SPOCK1: variants seen among roughly 807,000 people sequenced by gnomAD.
The protein encoded by SPOCK1 is SPARC (osteonectin), cwcv and kazal like domains proteoglycan 1.
A neutral mutation model predicts 55.3 loss-of-function variants in SPOCK1; 23 were observed. That is an observed-to-expected ratio of 0.42 (90% confidence interval 0.30 to 0.59). SPOCK1 has a LOEUF of 0.59. Ranked by LOEUF, SPOCK1 falls within the 20% of genes least tolerant of loss-of-function variation. The probability of loss-of-function intolerance (pLI) is 0.22; values close to 1 mark genes in which losing one functional copy is unlikely to be tolerated. For missense variants in SPOCK1, 499 were observed against 552.5 expected (o/e 0.90, Z 0.97); for synonymous variants, 226 against 221.0 (o/e 1.02, Z -0.20).
intron 2 of SPOCK1, among the ~76,000 whole-genome samples, chr5:137,447,605 TCCCC>T (rs33974799): frequency 6.6e-6 from 1 of 151,620 alleles, no homozygotes; most frequent in Non-Finnish European, 1.5e-5. Context: ...TTGAAATCAT[TCCCC>T]CCCCCAATAT....
At chr5:137,160,022 G>A (rs559216802) in intron 3 of SPOCK1, among the ~76,000 whole-genome samples, 2 of 152,102 alleles carry the variant, frequency 1.3e-5, no homozygotes, top group South Asian at 2.1e-4. Context: ...ACATGAGTAA[G>A]TTCTTTAGTG....
intron 3 of SPOCK1, among the ~76,000 whole-genome samples, chr5:137,262,805 G>A (rs1241049928): frequency 2.0e-5 from 3 of 152,182 alleles, no homozygotes; most frequent in African/African-American, 7.2e-5. Context: ...AAAAGGAGAA[G>A]GGAATAAAAC....
intron 2 of SPOCK1, among the ~76,000 whole-genome samples, chr5:137,445,439 C>T (rs891671649): frequency 1.3e-5 from 2 of 152,156 alleles, no homozygotes; most frequent in African/African-American, 4.8e-5. Flanking sequence ...TTAAAACTCC[C>T]TTCCATGTGC....
chr5:137,328,215 C>T (rs977375332), intron 2 of SPOCK1, among the ~76,000 whole-genome samples: 4 of 152,234 alleles, frequency 2.6e-5, no homozygotes, highest in African/African-American at 9.6e-5. Flanking sequence ...AGATAGATGG[C>T]AAACTTACTG....
intron 6 of SPOCK1, among the ~76,000 whole-genome samples, chr5:137,041,392 GA>G (rs1049027296): frequency 6.6e-6 from 1 of 151,928 alleles, no homozygotes; most frequent in East Asian, 1.9e-4. Flanking sequence ...AAAACATGGG[GA>G]AAAAAATCTA....
chr5:137,322,984 G>C (rs960595147), intron 2 of SPOCK1, among the ~76,000 whole-genome samples: 3 of 152,060 alleles, frequency 2.0e-5, no homozygotes, highest in Non-Finnish European at 4.4e-5. Context: ...GAGAGTAAAA[G>C]GAAGATGAAC....
intron 2 of SPOCK1, among the ~76,000 whole-genome samples, chr5:137,417,327 C>A (rs916292502): frequency 2.9e-5 from 4 of 139,530 alleles, no homozygotes; most frequent in Non-Finnish European, 6.2e-5. Flanking sequence ...GTGTATAACC[C>A]ATTTCTTTTT....
At chr5:137,297,241 T>C (rs1757506890) in intron 2 of SPOCK1, among the ~76,000 whole-genome samples, 1 of 152,210 alleles carries the variant, frequency 6.6e-6, no homozygotes, top group Admixed American at 6.5e-5. Context: ...CTTATCTCCC[T>C]TTAATTAAGA....
At chr5:137,185,004 G>A (rs997547526) in intron 3 of SPOCK1, among the ~76,000 whole-genome samples, 11 of 152,150 alleles carry the variant, frequency 7.2e-5, no homozygotes, top group Non-Finnish European at 1.5e-4. Flanking sequence ...ACTTAACTAC[G>A]CTTGAGACTA....
chr5:137,244,394 A>G (rs1756355609), intron 3 of SPOCK1, among the ~76,000 whole-genome samples: 1 of 150,248 alleles, frequency 6.7e-6, no homozygotes, highest in South Asian at 2.1e-4. Context: ...TTCAAAATGA[A>G]GATATTTAGG....
intron 6 of SPOCK1, among the ~76,000 whole-genome samples, chr5:137,029,799 A>G (rs1751742653): frequency 6.6e-6 from 1 of 152,234 alleles, no homozygotes; most frequent in Non-Finnish European, 1.5e-5. Flanking sequence ...GTTCATGACC[A>G]GCCTGGGTAA....
chr5:137,409,524 C>T (rs938696379), intron 2 of SPOCK1, among the ~76,000 whole-genome samples: 2 of 152,194 alleles, frequency 1.3e-5, no homozygotes, highest in Non-Finnish European at 2.9e-5. Context: ...CTGTGTGTCA[C>T]TTTCTGTAAA....
At chr5:137,494,479 A>G (rs539820485) in intron 2 of SPOCK1, among the ~76,000 whole-genome samples, 1 of 152,344 alleles carries the variant, frequency 6.6e-6, no homozygotes, top group African/African-American at 2.4e-5. Context: ...AGGGTTAAGT[A>G]CTTCTCTCAT....
intron 3 of SPOCK1, among the ~76,000 whole-genome samples, chr5:137,158,253 T>G (rs6872981): frequency 0.021 from 3,217 of 152,288 alleles, 111 homozygotes; most frequent in African/African-American, 0.074. Flanking sequence ...GAGGGGACAC[T>G]GGCAATGATT....
intron 2 of SPOCK1, among the ~76,000 whole-genome samples, chr5:137,349,057 T>A (rs1750622659): frequency 6.6e-6 from 1 of 152,138 alleles, no homozygotes; most frequent in Admixed American, 6.5e-5. Context: ...AAGAGAACTT[T>A]TAGGTAACTC....
At position 137,420,185 on chromosome 5, in the gene SPOCK1, G is replaced by A. The variant is rs150752375; in HGVS notation, c.186+78188C>T. ...TGGATAAGCTTTTTGATGTGCTGCTGCATTCGGTTTGCCAGTATTTTATTG... is the reference window on the plus strand; with the variant it reads ...TGGATAAGCTTTTTGATGTGCTGCTACATTCGGTTTGCCAGTATTTTATTG... On this transcript the variant is annotated intron_variant, in intron 2 of 10. Transcript: ENST00000394945. 3.6e-3 allele frequency among the ~76,000 whole-genome samples: 550 copies of A among 152,302 alleles called. 5 individuals are homozygous for A. Among genetic ancestry groups the A allele is most frequent in the African/African-American group, 0.012 (515 of 41,552 alleles).
chr5:137,077,350 G>C (rs1752789486), intron 5 of SPOCK1, among the ~76,000 whole-genome samples: 1 of 152,240 alleles, frequency 6.6e-6, no homozygotes, highest in Non-Finnish European at 1.5e-5. Flanking sequence ...TAGGAGGACA[G>C]AGAGGAGACA....
rs535945505 is a variant in SPOCK1, at chr5:137,103,591, AGCCTTGGGCTGC to A, written c.474+8832_474+8843del. Among the ~76,000 whole-genome samples the A allele has an allele frequency of 9.9e-4, 151 of 152,382 alleles. 2 individuals carry two copies. In the Middle Eastern group the frequency reaches 0.024, roughly 24 times the overall value. ...ATTGCCAGTCTGGAGGCTGCACATC[AGCCTTGGGCTGC>A]TTACCTTGGTAAATGTTTACAGGAG... On this transcript the variant is annotated intron_variant, in intron 5 of 10. Transcript: ENST00000394945.
chr5:136,995,032 T>G lies in SPOCK1; in HGVS notation c.590-2432A>C, dbSNP rs950256075. Among the ~76,000 whole-genome samples, 3 of 151,964 alleles carry G rather than the reference T, an allele frequency of 2.0e-5. No homozygotes were observed. The South Asian group carries it at 6.2e-4, about 32-fold the overall frequency. On this transcript the variant is annotated intron_variant, in intron 6 of 10. Coordinates refer to ENST00000394945, the MANE Select transcript of SPOCK1 (RefSeq NM_004598.4). ...AAAAATCAAAATTTAAAAAATCTAA[T>G]AGATAGTTCCTCAGTTGCACCACTG... is the stretch of plus-strand genomic sequence containing the variant.
Sources: allele counts gnomAD v4.1 joint callset (sites outside exome capture counted in the v4.1 genomes callset), GRCh38; gene constraint gnomAD v4.1.1; transcripts MANE v1.5; gene names NCBI Gene and HGNC (gene_info 2026-07-23, HGNC 2026-07-21).